Variants in COL19A1 observed in about 807,000 individuals in gnomAD.
The protein encoded by COL19A1 is collagen type XIX alpha 1 chain, also known as collagen alpha-1(XIX) chain.
COL19A1 carries 159 observed loss-of-function variants against 190.2 expected under a neutral mutation model. The ratio of observed to expected loss-of-function variants is 0.84; its 90% confidence interval spans 0.73 to 0.95. COL19A1 has a LOEUF of 0.95. Ranked by LOEUF, COL19A1 falls within the 40% of genes least tolerant of loss-of-function variation. COL19A1 has a pLI of 0.00. For synonymous variants in COL19A1, 509 were observed against 458.9 expected (o/e 1.11, Z -1.39); for missense variants, 1,418 against 1,431.9 (o/e 0.99, Z 0.16).
At chr6:70,057,508 A>G (rs538078219) in intron 14 of COL19A1, among the ~76,000 whole-genome samples, 19 of 152,274 alleles carry the variant, frequency 1.2e-4, no homozygotes, top group African/African-American at 3.6e-4. Context: ...AAACTACACC[A>G]TTAAAAATGA....
At chr6:70,124,158 GA>G in intron 17 of COL19A1, among the ~76,000 whole-genome samples, 1 of 152,012 alleles carries the variant, frequency 6.6e-6, no homozygotes, top group East Asian at 1.9e-4. Context: ...TAGCACAAGT[GA>G]AAAAAAGAAT....
intron 14 of COL19A1, among the ~76,000 whole-genome samples, chr6:70,062,328 G>A (rs9454955): frequency 0.12 from 18,943 of 151,924 alleles, 1,581 homozygotes; most frequent in African/African-American, 0.22. Context: ...ATTAAAATAC[G>A]TATATTACTT....
intron 41 of COL19A1, among the ~76,000 whole-genome samples, chr6:70,172,822 A>T (rs754382970): frequency 1.3e-5 from 2 of 152,164 alleles, no homozygotes; most frequent in African/African-American, 2.4e-5. Context: ...GTGATTTCTG[A>T]GTAGTGGCAT....
intron 1 of COL19A1, among the ~76,000 whole-genome samples, chr6:69,870,321 C>A (rs1313728460): frequency 1.3e-5 from 2 of 152,198 alleles, no homozygotes; most frequent in African/African-American, 4.8e-5. Flanking sequence ...GGAGTTATAG[C>A]AGTGCAGTAT....
At chr6:70,190,424 C>T (rs759865809) in intron 48 of COL19A1, 43 bp downstream of exon 48, 5 of 1,245,632 alleles carry the variant, frequency 4.0e-6, no homozygotes, top group Non-Finnish European at 5.9e-6. Context: ...TCACTGATTC[C>T]CACCTCCCAC....
At chr6:69,988,096 G>A (rs1398167775) in intron 11 of COL19A1, among the ~76,000 whole-genome samples, 1 of 152,090 alleles carries the variant, frequency 6.6e-6, no homozygotes, top group African/African-American at 2.4e-5. Context: ...GTTTTTTAAA[G>A]AAGTTTTAAA....
intron 9 of COL19A1, among the ~76,000 whole-genome samples, chr6:69,948,935 C>A (rs1773972970): frequency 6.6e-6 from 1 of 151,778 alleles, no homozygotes; most frequent in African/African-American, 2.4e-5. Flanking sequence ...GAGAGTCTTG[C>A]AAAATCAGTT....
chr6:70,130,276 A>C, intron 18 of COL19A1, 53 bp downstream of exon 18: 3 of 1,475,884 alleles, frequency 2.0e-6, no homozygotes, highest in Non-Finnish European at 2.8e-6. Flanking sequence ...CCCAGGCTGG[A>C]GTGCAGTGGC....
At chr6:69,996,034 T>C (rs536117911) in intron 11 of COL19A1, among the ~76,000 whole-genome samples, 1 of 152,284 alleles carries the variant, frequency 6.6e-6, no homozygotes, top group Admixed American at 6.5e-5. Context: ...CACTGGACTC[T>C]GAACACAAAT....
chr6:70,026,472 G>A (rs1192921693), intron 12 of COL19A1, among the ~76,000 whole-genome samples: 1 of 152,214 alleles, frequency 6.6e-6, no homozygotes, highest in East Asian at 1.9e-4. Context: ...AGCTCATTAA[G>A]TACAACCATA....
At chr6:69,970,446 T>A (rs1046059331) in intron 11 of COL19A1, among the ~76,000 whole-genome samples, 1 of 152,222 alleles carries the variant, frequency 6.6e-6, no homozygotes, top group Non-Finnish European at 1.5e-5. Flanking sequence ...GGTTTTGTAC[T>A]TTTACATAGC....
At chr6:70,027,842 GA>G (rs1034681054) in intron 12 of COL19A1, among the ~76,000 whole-genome samples, 33 of 152,040 alleles carry the variant, frequency 2.2e-4, no homozygotes, top group Non-Finnish European at 7.4e-5. Context: ...ACTTGAGAGA[GA>G]ATAATATAAA....
At chr6:70,175,250 G>T (rs905180636) in intron 41 of COL19A1, among the ~76,000 whole-genome samples, 26 of 151,906 alleles carry the variant, frequency 1.7e-4, no homozygotes, top group African/African-American at 6.0e-4. Flanking sequence ...GTTGATCTTT[G>T]CCTTTCATTT....
intron 15 of COL19A1, among the ~76,000 whole-genome samples, chr6:70,074,520 G>GAGAGAA (rs1430870749): frequency 3.1e-5 from 4 of 128,500 alleles, no homozygotes. Context: ...AAAAAAAAGA[G>GAGAGAA]AGAGAAAGAG....
intron 14 of COL19A1, chr6:70,059,807 C>T: frequency 3.8e-6 from 2 of 521,152 alleles, no homozygotes; most frequent in Non-Finnish European, 7.8e-6. Flanking sequence ...AGTGATAAAT[C>T]TGTATGTGTG....
rs771957050 is a variant in COL19A1, at chr6:70,184,719, A to T, written c.2792A>T (p.Asp931Val). 1 of 1,598,998 alleles carries T rather than the reference A, an allele frequency of 6.3e-7. No individual in the cohort carries two copies. Among genetic ancestry groups the T allele is most frequent in the East Asian group, 2.2e-5 (1 of 44,794 alleles). Residue 931 changes from aspartate (D) to valine (V), a missense_variant, in exon 45 of 51, where the codon GAT becomes GTT. Physicochemically the swap from Asp to Val is radical, Grantham distance 152 (BLOSUM62 -3). Transcript: ENST00000620364. Reference sequence around the variant, plus strand: ...TCTTTATAGGGAATAAATGGAAAAGATGGAATACCAGGTGCTCAGGTATGG... The same window carrying T: ...TCTTTATAGGGAATAAATGGAAAAGTTGGAATACCAGGTGCTCAGGTATGG... ...PSGKPGINGKDGIPGAQGIMG... is the reference protein window; with the variant it reads ...PSGKPGINGKVGIPGAQGIMG...
At chr6:70,204,083 A>G (rs1188612535) in intron 49 of COL19A1, among the ~76,000 whole-genome samples, 1 of 151,184 alleles carries the variant, frequency 6.6e-6, no homozygotes. Flanking sequence ...CTGGTCTTGA[A>G]CTCCTGACCT....
chr6:69,919,273 A>T (rs543982864), intron 4 of COL19A1, among the ~76,000 whole-genome samples: 1 of 152,310 alleles, frequency 6.6e-6, no homozygotes, highest in African/African-American at 2.4e-5. Flanking sequence ...GTAATGTGTG[A>T]CCGACTTTTT....
At chr6:70,135,002 A>G (rs1785758207) in intron 18 of COL19A1, among the ~76,000 whole-genome samples, 1 of 152,204 alleles carries the variant, frequency 6.6e-6, no homozygotes, top group Non-Finnish European at 1.5e-5. Flanking sequence ...CCAACTGGCT[A>G]TAAATCGGGG....
Sources: allele counts gnomAD v4.1 joint callset (sites outside exome capture counted in the v4.1 genomes callset), GRCh38; gene constraint gnomAD v4.1.1; transcripts MANE v1.5; gene names NCBI Gene and HGNC (gene_info 2026-07-23, HGNC 2026-07-21).